ZNF717: variants seen among roughly 807,000 people sequenced by gnomAD.
The protein encoded by ZNF717 is zinc finger protein 717, also known as krueppel-like factor X17.
Under a neutral mutation model 13.8 loss-of-function variants are expected in ZNF717, and 9 were observed. That is an observed-to-expected ratio of 0.65 (90% CI 0.39 to 1.14). The LOEUF (loss-of-function observed/expected upper bound fraction) is 1.14, where lower values mean the gene tolerates loss of function less well. Among genes scored for constraint, ZNF717 ranks in the 50% most tolerant of loss-of-function variants. ZNF717 has a pLI of 0.01. For missense variants in ZNF717, 1,040 were observed against 1,080.7 expected (o/e 0.96, Z 0.53); for synonymous variants, 327 against 364.1 (o/e 0.90, Z 1.16).
At chr3:75,717,908 T>C (rs1938089068) in intron 4 of ZNF717, among the ~76,000 whole-genome samples, 1 of 152,184 alleles carries the variant, frequency 6.6e-6, no homozygotes, top group Non-Finnish European at 1.5e-5. Context: ...CACGTCTCAG[T>C]GTGGGTTCCC....
intron 2 of ZNF717, among the ~76,000 whole-genome samples, chr3:75,776,657 C>T (rs1944349989): frequency 2.0e-5 from 3 of 152,226 alleles, no homozygotes; most frequent in Admixed American, 6.5e-5. Flanking sequence ...CATAGTCTCA[C>T]AATTCAGAAG....
intron 2 of ZNF717, among the ~76,000 whole-genome samples, chr3:75,776,775 T>C (rs1559687093): frequency 6.6e-6 from 1 of 152,350 alleles, no homozygotes; most frequent in East Asian, 1.9e-4. Context: ...GAACAGCTTT[T>C]ACCAAGATCA....
chr3:75,698,508 G>T (rs1575757433), intron 6 of ZNF717, among the ~76,000 whole-genome samples: 2 of 152,312 alleles, frequency 1.3e-5, no homozygotes, highest in African/African-American at 4.8e-5. Context: ...CACTGCTTCA[G>T]CTCCAGGTGT....
chr3:75,768,839 G>T (rs1943695993), intron 2 of ZNF717, among the ~76,000 whole-genome samples: 1 of 151,178 alleles, frequency 6.6e-6, no homozygotes, highest in South Asian at 2.1e-4. Context: ...TGTGTGGGGG[G>T]ACAGATGACA....
rs1378238159 is a variant in ZNF717 at position 75,738,992 on chromosome 3, A to G, written c.631T>C (p.Cys211Arg). 1.3e-6 allele frequency: 2 copies of G among 1,551,606 alleles called. No individual in the cohort carries two copies. The highest frequency in any genetic ancestry group is 1.7e-6 in the Non-Finnish European group (2 of 1,146,944). ...TTGAAGGTTTTCCCTTGTTCATTACATTGAAAAGTCTGCAGCAGAGTTTGA... is the reference window on the plus strand; with the variant it reads ...TTGAAGGTTTTCCCTTGTTCATTACGTTGAAAAGTCTGCAGCAGAGTTTGA... ...KIQTLLQTFQ[C>R]NEQGKTFNTE... Residue 211 changes from cysteine to arginine, a missense_variant, in exon 5 of 5, where the codon TGT becomes CGT. Coordinates refer to ENST00000652011, the MANE Select transcript of ZNF717 (RefSeq NM_001290208.3).
At chr3:75,717,818 T>A (rs1938086960) in intron 4 of ZNF717, among the ~76,000 whole-genome samples, 1 of 152,166 alleles carries the variant, frequency 6.6e-6, no homozygotes, top group African/African-American at 2.4e-5. Context: ...GCTTCCAGCA[T>A]AACAGATGAA....
At position 75,737,718 on chromosome 3, in the gene ZNF717, G is replaced by C. The variant is rs769540917; in HGVS notation, c.1905C>G (p.Ser635Arg). 1 of 1,544,622 alleles carries C rather than the reference G, an allele frequency of 6.5e-7. No homozygotes were observed. The highest frequency in any genetic ancestry group is 8.8e-7 in the Non-Finnish European group (1 of 1,142,376). The change falls in exon 5 of 5, where the codon AGC (serine) becomes AGG (arginine). Residue 635 changes from serine to arginine, a missense_variant. Coordinates refer to ENST00000652011, the MANE Select transcript of ZNF717 (RefSeq NM_001290208.3). ...GKTFRQKSNL[S>R]THQGTHTGEK... ...CTCCTGTGTGAGTTCCCTGATGGGT[G>C]CTGAGATTTGACTTCTGACGAAAGG...
At chr3:75,744,448 C>T (rs1167659935) in intron 2 of ZNF717, among the ~76,000 whole-genome samples, 1 of 152,228 alleles carries the variant, frequency 6.6e-6, no homozygotes, top group Non-Finnish European at 1.5e-5. Flanking sequence ...CAGGGGAGGA[C>T]ACAGGGCAAA....
chr3:75,702,024 C>T (rs1436463753), intron 6 of ZNF717, among the ~76,000 whole-genome samples: 2 of 152,310 alleles, frequency 1.3e-5, no homozygotes, highest in Non-Finnish European at 2.9e-5. Context: ...AACCCTTGTA[C>T]ACTGTTGTTG....
At chr3:75,748,265 G>T (rs2107324669) in intron 2 of ZNF717, among the ~76,000 whole-genome samples, 1 of 152,290 alleles carries the variant, frequency 6.6e-6, no homozygotes, top group Non-Finnish European at 1.5e-5. Flanking sequence ...GAGGTGCAAG[G>T]ATAAGCTGGT....
chr3:75,758,683 C>T (rs1471537836), intron 2 of ZNF717, among the ~76,000 whole-genome samples: 1 of 152,212 alleles, frequency 6.6e-6, no homozygotes, highest in Non-Finnish European at 1.5e-5. Context: ...TCAGCAATCA[C>T]CACCTTACAT....
intron 4 of ZNF717, among the ~76,000 whole-genome samples, chr3:75,718,436 T>A (rs1938100055): frequency 1.3e-5 from 2 of 152,186 alleles, no homozygotes; most frequent in Non-Finnish European, 2.9e-5. Context: ...AGTGTGGAAT[T>A]GTCCTGGGAG....
At chr3:75,753,946 A>G (rs552128333) in intron 2 of ZNF717, among the ~76,000 whole-genome samples, 106 of 150,880 alleles carry the variant, frequency 7.0e-4, no homozygotes, top group African/African-American at 2.5e-3. Context: ...CTCACATAGG[A>G]TTCCAGACAC....
intron 2 of ZNF717, among the ~76,000 whole-genome samples, chr3:75,750,732 C>T (rs1230262429): frequency 6.6e-6 from 1 of 151,358 alleles, no homozygotes; most frequent in Non-Finnish European, 1.5e-5. Context: ...CTACTGAGGT[C>T]TGAATGTTTT....
intron 6 of ZNF717, among the ~76,000 whole-genome samples, chr3:75,699,679 T>A (rs1462931917): frequency 3.3e-5 from 5 of 152,388 alleles, no homozygotes; most frequent in African/African-American, 9.6e-5. Context: ...TGTAGAACCA[T>A]GAGCCAATTA....
intron 2 of ZNF717, among the ~76,000 whole-genome samples, chr3:75,768,718 T>A (rs1442331616): frequency 1.5e-5 from 2 of 132,374 alleles, no homozygotes; most frequent in Non-Finnish European, 3.2e-5. Context: ...CGGCTGAGTG[T>A]GTGGGGGGTA....
intron 2 of ZNF717, among the ~76,000 whole-genome samples, chr3:75,764,183 C>T (rs1315073222): frequency 1.3e-5 from 2 of 152,172 alleles, no homozygotes; most frequent in South Asian, 2.1e-4. Flanking sequence ...CTGCTCCATC[C>T]TCAATTGCTT....
chr3:75,781,990 G>C (rs1397873220), intron 2 of ZNF717, among the ~76,000 whole-genome samples: 1 of 152,080 alleles, frequency 6.6e-6, no homozygotes, highest in African/African-American at 2.4e-5. Flanking sequence ...AAGTATAAAA[G>C]AAAAGCTAGC....
chr3:75,761,459 A>G (rs1347011289), intron 2 of ZNF717, among the ~76,000 whole-genome samples: 1 of 152,274 alleles, frequency 6.6e-6, no homozygotes, highest in East Asian at 1.9e-4. Context: ...TTCCTCTAGG[A>G]TCAGGAACAA....
Sources: gnomAD v4.1 joint callset for allele counts (sites outside exome capture counted in the v4.1 genomes callset) on GRCh38, gnomAD v4.1.1 for gene constraint, MANE v1.5 for transcripts, NCBI Gene and HGNC (gene_info 2026-07-23, HGNC 2026-07-21) for gene names.